The following TCERG1L variants were observed in gnomAD, a reference collection of about 807,000 sequenced individuals.
TCERG1L encodes the protein transcription elongation regulator 1 like, also known as transcription elongation regulator 1-like protein.
TCERG1L carries 37 observed loss-of-function variants against 56.3 expected under a neutral mutation model. The ratio of observed to expected loss-of-function variants is 0.66; its 90% CI spans 0.51 to 0.87. The LOEUF (loss-of-function observed/expected upper bound fraction) is 0.87, where lower values mean the gene tolerates loss of function less well. TCERG1L is among the 40% of genes least tolerant of loss of function. The pLI, the probability that TCERG1L is intolerant of heterozygous loss-of-function variation, is 0.00. For missense variants in TCERG1L, 799 were observed against 774.2 expected (o/e 1.03, Z -0.38); for synonymous variants, 324 against 326.3 (o/e 0.99, Z 0.08).
chr10:131,244,074 C>A (rs1440304683), intron 4 of TCERG1L, among the ~76,000 whole-genome samples: 4 of 152,134 alleles, frequency 2.6e-5, no homozygotes, highest in Admixed American at 6.5e-5. Flanking sequence ...ATTGACACAC[C>A]CAGAGATCAA....
intron 4 of TCERG1L, among the ~76,000 whole-genome samples, chr10:131,248,656 G>A (rs1333746344): frequency 1.3e-5 from 2 of 152,200 alleles, no homozygotes; most frequent in Non-Finnish European, 2.9e-5. Flanking sequence ...CAGGGAATGA[G>A]AGCCCCCGTG....
At chr10:131,170,471 G>T (rs1846078196) in intron 4 of TCERG1L, among the ~76,000 whole-genome samples, 1 of 151,340 alleles carries the variant, frequency 6.6e-6, no homozygotes, top group Non-Finnish European at 1.5e-5. Context: ...ATACCTTTCT[G>T]GGCAATGCCT....
intron 7 of TCERG1L, among the ~76,000 whole-genome samples, chr10:131,137,439 G>A (rs372073673): frequency 5.6e-4 from 86 of 152,256 alleles, no homozygotes; most frequent in African/African-American, 1.3e-3. Context: ...TCAACTCCCC[G>A]GGCCCTCCGC....
chr10:131,208,654 C>T (rs1260339373), intron 4 of TCERG1L, among the ~76,000 whole-genome samples: 1 of 152,186 alleles, frequency 6.6e-6, no homozygotes, highest in Non-Finnish European at 1.5e-5. Context: ...GCGCTTCTAA[C>T]CTGAAAACAC....
intron 4 of TCERG1L, among the ~76,000 whole-genome samples, chr10:131,248,545 G>A (rs563244242): frequency 5.3e-5 from 8 of 152,142 alleles, no homozygotes; most frequent in South Asian, 4.2e-4. Flanking sequence ...CCTCCCCCAC[G>A]CAGGCCAATG....
intron 4 of TCERG1L, among the ~76,000 whole-genome samples, chr10:131,223,778 A>G (rs1464128775): frequency 6.6e-6 from 1 of 152,054 alleles, no homozygotes; most frequent in East Asian, 2.0e-4. Context: ...TTCCAGCTCA[A>G]GGTCACTCCC....
intron 7 of TCERG1L, among the ~76,000 whole-genome samples, chr10:131,145,323 TAATG>T (rs760781379): frequency 6.6e-6 from 1 of 152,340 alleles, no homozygotes; most frequent in Non-Finnish European, 1.5e-5. Flanking sequence ...CCTCTTTTAA[TAATG>T]AATGTGACCT....
intron 4 of TCERG1L, among the ~76,000 whole-genome samples, chr10:131,203,512 G>A (rs973227247): frequency 7.9e-5 from 12 of 152,206 alleles, no homozygotes; most frequent in African/African-American, 2.7e-4. Flanking sequence ...GGGAATGCAT[G>A]CACAGGACTT....
chr10:131,225,432 G>A (rs1845780877), intron 4 of TCERG1L, among the ~76,000 whole-genome samples: 1 of 152,186 alleles, frequency 6.6e-6, no homozygotes, highest in Non-Finnish European at 1.5e-5. Flanking sequence ...GAGAAGGGAG[G>A]AGGACAGAGG....
At chr10:131,106,251 G>A (rs1290411783) in intron 9 of TCERG1L, among the ~76,000 whole-genome samples, 1 of 152,216 alleles carries the variant, frequency 6.6e-6, no homozygotes, top group Non-Finnish European at 1.5e-5. Context: ...ATAAATCAAG[G>A]AAGCCCATGG....
intron 4 of TCERG1L, among the ~76,000 whole-genome samples, 198 bp from the exon 5 acceptor site, chr10:131,167,083 T>C (rs1436239239): frequency 6.6e-6 from 1 of 152,224 alleles, no homozygotes; most frequent in African/African-American, 2.4e-5. Context: ...AGGATGCACC[T>C]GACAATGGGT....
At chr10:131,278,207 C>T (rs909779173) in intron 3 of TCERG1L, among the ~76,000 whole-genome samples, 2 of 152,072 alleles carry the variant, frequency 1.3e-5, no homozygotes, top group Non-Finnish European at 2.9e-5. Flanking sequence ...GAGTCGCATC[C>T]TCTCCTGGAT....
chr10:131,270,804 T>G (rs1375094205), intron 3 of TCERG1L, among the ~76,000 whole-genome samples: 2 of 152,230 alleles, frequency 1.3e-5, no homozygotes, highest in African/African-American at 4.8e-5. Flanking sequence ...TTGGCGAGGT[T>G]TGTCGAACCT....
intron 3 of TCERG1L, among the ~76,000 whole-genome samples, chr10:131,293,402 C>T (rs959743615): frequency 4.6e-5 from 7 of 152,042 alleles, no homozygotes; most frequent in Non-Finnish European, 1.0e-4. Context: ...GATCAAAAAC[C>T]GCCTAAATCC....
intron 8 of TCERG1L, among the ~76,000 whole-genome samples, chr10:131,133,166 C>G (rs574958235): frequency 5.9e-5 from 9 of 152,272 alleles, no homozygotes; most frequent in Admixed American, 6.5e-5. Flanking sequence ...GCTGGGCCTG[C>G]TAGGTACCCT....
intron 3 of TCERG1L, among the ~76,000 whole-genome samples, chr10:131,262,892 C>A (rs1846248227): frequency 6.6e-6 from 1 of 152,112 alleles, no homozygotes; most frequent in Non-Finnish European, 1.5e-5. Flanking sequence ...TTTGCCTTTT[C>A]CAGAAGGCCA....
rs192251660 is a variant in TCERG1L at position 131,205,072 on chromosome 10, C to G, written c.857-38187G>C. 1.3e-3 allele frequency among the ~76,000 whole-genome samples: 205 copies of G among 152,248 alleles called. 3 individuals are homozygous for G. Among genetic ancestry groups the G allele is most frequent in the Admixed American group, 0.012 (181 of 15,294 alleles). Reference sequence around the variant, plus strand: ...TCCAGCCTCTCCCAGACCAAGCGGCCCATGGCATCAACTCAATGGCAGCCT... The same window carrying G: ...TCCAGCCTCTCCCAGACCAAGCGGCGCATGGCATCAACTCAATGGCAGCCT... On this transcript the variant is annotated intron_variant, in intron 4 of 11. Transcript: ENST00000368642.
intron 4 of TCERG1L, among the ~76,000 whole-genome samples, chr10:131,194,247 T>G (rs1845333675): frequency 6.6e-6 from 1 of 152,150 alleles, no homozygotes; most frequent in Non-Finnish European, 1.5e-5. Flanking sequence ...GCAGAGTGAG[T>G]GAGGGAACAA....
chr10:131,093,568 C>CGG (rs1158911124), intron 11 of TCERG1L, among the ~76,000 whole-genome samples: 2 of 152,120 alleles, frequency 1.3e-5, no homozygotes, highest in Non-Finnish European at 2.9e-5. Flanking sequence ...CGGAAATGAG[C>CGG]GGCCCCCACC....
Sources: allele counts gnomAD v4.1 joint callset (sites outside exome capture counted in the v4.1 genomes callset), GRCh38; gene constraint gnomAD v4.1.1; transcripts MANE v1.5; gene names NCBI Gene and HGNC (gene_info 2026-07-23, HGNC 2026-07-21).